Variants in TYW1 observed in about 807,000 individuals in gnomAD.
TYW1 encodes S-adenosyl-L-methionine-dependent tRNA 4-demethylwyosine synthase TYW1.
Under a neutral mutation model 96.2 loss-of-function variants are expected in TYW1, and 46 were observed. That is an observed-to-expected ratio of 0.48 (90% CI 0.38 to 0.61). The LOEUF (loss-of-function observed/expected upper bound fraction) is 0.61, where lower values mean the gene tolerates loss of function less well. Ranked by LOEUF, TYW1 falls within the 20% of genes least tolerant of loss-of-function variation. TYW1 has a pLI of 0.00. For synonymous variants in TYW1, 274 were observed against 323.0 expected (o/e 0.85, Z 1.63); for missense variants, 684 against 909.6 (o/e 0.75, Z 3.19).
chr7:67,239,008 ATCTT>A lies in TYW1; in HGVS notation c.*480_*483del. 1 of 990,822 alleles carries A rather than the reference ATCTT, an allele frequency of 1.0e-6. No individual in the cohort carries two copies. Among genetic ancestry groups the A allele is most frequent in the Non-Finnish European group, 1.2e-6 (1 of 832,738 alleles). 61.4% of individuals were successfully genotyped at this position (990,822 alleles called of 1,614,324 possible). On this transcript the variant is annotated 3_prime_UTR_variant, in exon 16 of 16. Coordinates refer to ENST00000359626, the MANE Select transcript of TYW1 (RefSeq NM_018264.4). ...GATAAGAGCTTGATCCCTTTCTTCT[ATCTT>A]AAGACAGCACCTCCTGAAAAGAATC... is the stretch of plus-strand genomic sequence containing the variant.
At chr7:67,026,126 GCAGTGGTGC>G (rs568018902) in intron 7 of TYW1, among the ~76,000 whole-genome samples, 1 of 152,266 alleles carries the variant, frequency 6.6e-6, no homozygotes, top group South Asian at 2.1e-4. Context: ...AGGCTGGAGT[GCAGTGGTGC>G]AATCTCGGCT....
At chr7:67,075,779 C>T (rs1481286471) in intron 10 of TYW1, among the ~76,000 whole-genome samples, 1 of 152,120 alleles carries the variant, frequency 6.6e-6, no homozygotes, top group East Asian at 1.9e-4. Flanking sequence ...TTGGGAATGA[C>T]AAAACATTTA....
At chr7:67,124,422 G>C (rs55704136) in intron 13 of TYW1, among the ~76,000 whole-genome samples, 36,735 of 151,640 alleles carry the variant, frequency 0.24, 4,686 homozygotes, top group African/African-American at 0.32. Context: ...TTGAGAGATG[G>C]GGTCTTGTTT....
intron 13 of TYW1, among the ~76,000 whole-genome samples, chr7:67,144,652 A>G (rs1185337551): frequency 6.6e-6 from 1 of 151,958 alleles, no homozygotes; most frequent in African/African-American, 2.4e-5. Context: ...TGTATTTTTT[A>G]TAGAGACAGG....
At chr7:67,145,714 T>G (rs1584617089) in intron 13 of TYW1, among the ~76,000 whole-genome samples, 1 of 152,266 alleles carries the variant, frequency 6.6e-6, no homozygotes, top group Middle Eastern at 3.4e-3. Context: ...AAGTAGTATT[T>G]TTCAAATTTA....
chr7:67,211,427 G>A (rs1258454905), intron 15 of TYW1, among the ~76,000 whole-genome samples: 1 of 152,170 alleles, frequency 6.6e-6, no homozygotes, highest in Admixed American at 6.5e-5. Flanking sequence ...TAACCCCATT[G>A]TAAGTTGAGG....
At chr7:67,139,485 G>A (rs28570066) in intron 13 of TYW1, among the ~76,000 whole-genome samples, 10,212 of 151,898 alleles carry the variant, frequency 0.067, 872 homozygotes, top group African/African-American at 0.2. Context: ...GTACATATAT[G>A]CTGTTGTCTG....
At chr7:67,215,130 AG>A (rs1801161384) in intron 15 of TYW1, among the ~76,000 whole-genome samples, 2 of 150,658 alleles carry the variant, frequency 1.3e-5, no homozygotes, top group African/African-American at 4.9e-5. Flanking sequence ...ACCTAGGACA[AG>A]GAACTAGGAA....
At chr7:67,089,255 C>T in intron 11 of TYW1, 1 of 1,318,468 alleles carries the variant, frequency 7.6e-7, no homozygotes, top group African/African-American at 1.5e-5. Context: ...AGAGGAACTC[C>T]CTCAGTGGGG....
chr7:66,997,978 G>A (rs1245307973), intron 1 of TYW1, 87 bp from the exon 2 acceptor site: 4 of 1,462,104 alleles, frequency 2.7e-6, no homozygotes, highest in Non-Finnish European at 3.6e-6. Flanking sequence ...TGAATGTAAG[G>A]TTGGTTTTAT....
chr7:67,180,460 A>G (rs1407022847), intron 13 of TYW1, among the ~76,000 whole-genome samples: 1 of 143,650 alleles, frequency 7.0e-6, no homozygotes, highest in Non-Finnish European at 1.5e-5. Flanking sequence ...TCTCATTTTT[A>G]GTTGATTCTT....
intron 11 of TYW1, among the ~76,000 whole-genome samples, chr7:67,095,887 C>T (rs370103024): frequency 2.0e-5 from 3 of 152,106 alleles, no homozygotes; most frequent in South Asian, 2.1e-4. Flanking sequence ...ATTTCGCCCA[C>T]GTTCTTTGTT....
Position 67,185,752 on chromosome 7 carries a change from T to A in TYW1, c.1809+2516T>A, listed in dbSNP as rs2687035. 4.9e-4 allele frequency among the ~76,000 whole-genome samples: 75 copies of A among 152,192 alleles called. No homozygotes were observed. In the East Asian group the frequency reaches 6.7e-3, roughly 14 times the overall value. On this transcript the variant is annotated intron_variant, in intron 14 of 15. Coordinates refer to ENST00000359626, the MANE Select transcript of TYW1 (RefSeq NM_018264.4). ...GGGTAAGATAGGGCTAGAAATAATG[T>A]TTGGAAGTAATGGCTTTTTTAGGCA...
At chr7:67,099,927 G>A (rs1161204825) in intron 12 of TYW1, among the ~76,000 whole-genome samples, 1 of 152,082 alleles carries the variant, frequency 6.6e-6, no homozygotes, top group African/African-American at 2.4e-5. Flanking sequence ...GCTTGAACCC[G>A]GGAGGCGGAG....
intron 6 of TYW1, among the ~76,000 whole-genome samples, chr7:67,019,653 T>G (rs1584470388): frequency 2.6e-5 from 4 of 152,404 alleles, no homozygotes; most frequent in Admixed American, 2.6e-4. Flanking sequence ...AAATATAATT[T>G]AAAGAGTTTA....
chr7:67,102,415 A>G (rs901438392), intron 12 of TYW1, among the ~76,000 whole-genome samples: 9 of 152,196 alleles, frequency 5.9e-5, no homozygotes, highest in Non-Finnish European at 1.2e-4. Context: ...GCCATCTTCA[A>G]CAAACAAATG....
intron 2 of TYW1, 36 bp from the exon 3 acceptor site, chr7:66,998,781 G>A: frequency 6.2e-7 from 1 of 1,611,390 alleles, no homozygotes; most frequent in South Asian, 1.1e-5. Context: ...AAACGATTTA[G>A]ACTTGATGGA....
intron 9 of TYW1, among the ~76,000 whole-genome samples, chr7:67,057,958 C>T (rs762649748): frequency 6.6e-6 from 1 of 152,096 alleles, no homozygotes; most frequent in Non-Finnish European, 1.5e-5. Context: ...TTCTGCCAAC[C>T]ACAAGGTCAC....
At chr7:67,004,587 G>C (rs1319977255) in intron 3 of TYW1, among the ~76,000 whole-genome samples, 2 of 152,138 alleles carry the variant, frequency 1.3e-5, no homozygotes, top group Non-Finnish European at 2.9e-5. Flanking sequence ...ACCTTTTTAT[G>C]GTGGCCCATA....
Sources: gnomAD v4.1 joint callset for allele counts (sites outside exome capture counted in the v4.1 genomes callset) on GRCh38, gnomAD v4.1.1 for gene constraint, MANE v1.5 for transcripts, NCBI Gene and HGNC (gene_info 2026-07-23, HGNC 2026-07-21) for gene names.